WDR11: variants seen among roughly 807,000 people sequenced by gnomAD.
WDR11 encodes WD repeat domain 11.
In WDR11, 83 loss-of-function variants were observed where a neutral mutation model predicts 151.2. That is an observed-to-expected ratio of 0.55 (90% confidence interval 0.46 to 0.66). The LOEUF is 0.66. WDR11 is among the 30% of genes least tolerant of loss of function. The pLI is 0.00. For synonymous variants in WDR11, 484 were observed against 533.1 expected (o/e 0.91, Z 1.27); for missense variants, 1,301 against 1,480.9 (o/e 0.88, Z 1.99).
At chr10:120,851,795 T>A in intron 1 of WDR11, 1 of 523,162 alleles carries the variant, frequency 1.9e-6, no homozygotes, top group South Asian at 2.1e-5. Context: ...TCTCTTTTCC[T>A]CTCCTCCAGC....
At chr10:120,887,885 A>T (rs1847275839) in intron 16 of WDR11, among the ~76,000 whole-genome samples, 1 of 152,222 alleles carries the variant, frequency 6.6e-6, no homozygotes, top group Admixed American at 6.5e-5. Flanking sequence ...AGGAAAGTAG[A>T]TATCTTAAAA....
intron 12 of WDR11, among the ~76,000 whole-genome samples, chr10:120,878,740 A>G (rs1200012693): frequency 3.3e-5 from 5 of 152,162 alleles, no homozygotes; most frequent in African/African-American, 1.2e-4. Context: ...GTGCATTGTT[A>G]TATGTAACCA....
chr10:120,880,769 G>A lies in WDR11; in HGVS notation c.1664-57G>A, dbSNP rs1025147182. On this transcript the variant is annotated intron_variant, in intron 12 of 28. Coordinates refer to ENST00000263461, the MANE Select transcript of WDR11 (RefSeq NM_018117.12). ...TCAAATTACATTGGCGTGGCTTCTT[G>A]TTTTTCATACATGTTTTATGCACTG... is the stretch of plus-strand genomic sequence containing the variant. The A allele has an allele frequency of 2.0e-6, 3 of 1,476,630 alleles. No individual in the cohort carries two copies. The Admixed American group carries it at 5.7e-5, about 28-fold the overall frequency. The allele number at this position is 1,476,630 out of a possible 1,614,324, so 91.5% of individuals were successfully genotyped here. A position where few individuals can be genotyped will look rare whatever the true frequency, so the allele number is the denominator to read the frequency against.
At chr10:120,856,496 A>T (rs1341932881) in intron 2 of WDR11, among the ~76,000 whole-genome samples, 1 of 148,846 alleles carries the variant, frequency 6.7e-6, no homozygotes, top group Admixed American at 6.9e-5. Flanking sequence ...AACAGCTTAA[A>T]CCTGGGAGGT....
rs139841762 is a variant in WDR11, at chr10:120,889,728, A to G, written c.2229-167A>G. On this transcript the variant is annotated intron_variant, in intron 17 of 28. Coordinates refer to ENST00000263461, the MANE Select transcript of WDR11 (RefSeq NM_018117.12). ...CCCTGCAGAAGTCTTAGCTGACCTT[A>G]AAGGGCAGGCCCTTTCTGTCAGATG... 2,552 of 650,592 alleles carry G rather than the reference A, an allele frequency of 3.9e-3. 53 individuals are homozygous for G. Among genetic ancestry groups the G allele is most frequent in the East Asian group, 0.038 (1,363 of 35,902 alleles). 40.3% of individuals were successfully genotyped at this position (650,592 alleles called of 1,614,324 possible). A position where few individuals can be genotyped will look rare whatever the true frequency, so the allele number is the denominator to read the frequency against.
chr10:120,852,444 TATC>T lies in WDR11; in HGVS notation c.87-77_87-75del, dbSNP rs779029419. On this transcript the variant is annotated intron_variant, in intron 1 of 28. Coordinates refer to ENST00000263461, the MANE Select transcript of WDR11 (RefSeq NM_018117.12). ...AATGGTGGTACATATGAATTAGACT[TATC>T]ATTTATTTAGGCTTGGCAAGAAAGA... is the stretch of plus-strand genomic sequence containing the variant. The T allele has an allele frequency of 8.1e-5, 94 of 1,157,016 alleles. No homozygotes were observed. In the Admixed American group the frequency reaches 1.4e-3, roughly 17 times the overall value. 71.7% of individuals were successfully genotyped at this position (1,157,016 alleles called of 1,614,324 possible).
chr10:120,885,274 T>TACACACACACACAC (rs1456456025), intron 14 of WDR11: 1 of 85,432 alleles, frequency 1.2e-5, no homozygotes, highest in African/African-American at 5.0e-5. Flanking sequence ...GGATGAAGTA[T>TACACACACACACAC]ATATATATAT....
At chr10:120,867,389 G>A (rs1398738916) in intron 9 of WDR11, among the ~76,000 whole-genome samples, 6 of 152,216 alleles carry the variant, frequency 3.9e-5, no homozygotes, top group African/African-American at 1.4e-4. Context: ...GTTAGAAATA[G>A]AAAACGTTCA....
rs1300863755 is a variant in WDR11, at chr10:120,908,742, C to T, written c.*29C>T. ...CTTAATAAATGCCAGGGAATCTGAC[C>T]TGGAAGGCAGATGGGAGGGGGCTGG... is the stretch of plus-strand genomic sequence containing the variant. On this transcript the variant is annotated 3_prime_UTR_variant, in exon 29 of 29. Transcript: ENST00000263461. 2.5e-6 allele frequency: 4 copies of T among 1,612,834 alleles called. No individual in the cohort carries two copies. The highest frequency in any genetic ancestry group is 1.8e-4 in the Middle Eastern group (1 of 5,426).
At chr10:120,857,410 A>G (rs1845985608) in intron 2 of WDR11, among the ~76,000 whole-genome samples, 1 of 152,226 alleles carries the variant, frequency 6.6e-6, no homozygotes, top group Non-Finnish European at 1.5e-5. Context: ...TGACAAATAC[A>G]GAATCTATAA....
intron 2 of WDR11, chr10:120,856,231 G>A (rs1845940445): frequency 6.6e-6 from 1 of 152,062 alleles, no homozygotes; most frequent in South Asian, 2.1e-4. Context: ...ATTTTCAAAG[G>A]ATATAGAATT....
intron 19 of WDR11, among the ~76,000 whole-genome samples, chr10:120,896,347 GTA>G (rs1847614612): frequency 6.6e-6 from 1 of 152,154 alleles, no homozygotes; most frequent in African/African-American, 2.4e-5. Context: ...AAAATGGAGA[GTA>G]TGGGGATAGC....
In WDR11 at chr10:120,852,633, A is replaced by G. The variant is rs1845819686; in HGVS notation, c.196A>G (p.Lys66Glu). The G allele has an allele frequency of 6.2e-7, 1 of 1,613,274 alleles. No homozygotes were observed. The highest frequency in any genetic ancestry group is 1.3e-5 in the African/African-American group (1 of 74,916). ...VLEKHKADVV[K>E]VKWARENYHH... ...AGAAAAGCATAAAGCTGATGTTGTA[A>G]AGGTAAGTAAAATCCCACTTTGACG... Residue 66 changes from lysine (K) to glutamate (E), a missense_variant and splice_region_variant, in exon 2 of 29, where the codon AAG (lysine) becomes GAG (glutamate). Coordinates refer to ENST00000263461, the MANE Select transcript of WDR11 (RefSeq NM_018117.12).
Position 120,889,118 on chromosome 10 carries a change from A to T in WDR11, c.2162A>T (p.Asp721Val), listed in dbSNP as rs1478908044. The change falls in exon 17 of 29, where the codon GAT (aspartate) becomes GTT (valine). Residue 721 changes from aspartate (D) to valine (V), a missense_variant. Asp to Val is a radical substitution (Grantham distance 152, BLOSUM62 -3). This residue lies in a region of WDR11 where 589 missense variants were observed against 670.6 expected (regional missense o/e 0.88). Transcript: ENST00000263461. ...GSITCIAWKG[D>V]TLVLGDMDGN... Reference sequence around the variant, plus strand: ...ATTACCTGCATCGCTTGGAAAGGTGATACATTAGTGCTTGGAGATATGGAT... The same window carrying T: ...ATTACCTGCATCGCTTGGAAAGGTGTTACATTAGTGCTTGGAGATATGGAT... 2.5e-6 allele frequency: 4 copies of T among 1,614,020 alleles called. No individual in the cohort carries two copies. The highest frequency in any genetic ancestry group is 3.4e-6 in the Non-Finnish European group (4 of 1,179,970).
Position 120,908,533 on chromosome 10 carries a change from TCTTTTC to T in WDR11, c.3518-19_3518-14del, listed in dbSNP as rs1226783552. 1.9e-6 allele frequency: 3 copies of T among 1,613,902 alleles called. No individual in the cohort carries two copies. The highest frequency in any genetic ancestry group is 1.7e-5 in the Admixed American group (1 of 60,002). On this transcript the variant is annotated splice_polypyrimidine_tract_variant and intron_variant, in intron 28 of 28. Transcript: ENST00000263461. ...GTCTCATCACAGCCCTTTTTACTCT[TCTTTTC>T]CTTAACTATGGTTTACAGAAACTCA...
chr10:120,874,188 T>TG lies in WDR11; in HGVS notation c.1556+265_1556+266insG, dbSNP rs200343544. On this transcript the variant is annotated intron_variant, in intron 11 of 28. Coordinates refer to ENST00000263461, the MANE Select transcript of WDR11 (RefSeq NM_018117.12). ...TGCGGTTTTTGCAGTTTTTTTTTTT[T>TG]TTTTGTTGTTGTTGTTGTTGTTTGT... Among the ~76,000 whole-genome samples the TG allele has an allele frequency of 0.029, 2,645 of 90,820 alleles. 46 individuals are homozygous for TG. Among genetic ancestry groups the TG allele is most frequent in the Non-Finnish European group, 0.036 (1,567 of 42,952 alleles). The allele number at this position is 90,820 out of a possible 152,430, so 59.6% of individuals were successfully genotyped here. A position where few individuals can be genotyped will look rare whatever the true frequency, so the allele number is the denominator to read the frequency against.
At position 120,885,946 on chromosome 10, in the gene WDR11, A is replaced by G. The variant is rs1215435619; in HGVS notation, c.1973+8A>G. The G allele has an allele frequency of 1.9e-6, 3 of 1,613,116 alleles. No individual in the cohort carries two copies. Among genetic ancestry groups the G allele is most frequent in the South Asian group, 2.2e-5 (2 of 91,040 alleles). On this transcript the variant is annotated splice_region_variant and intron_variant, in intron 15 of 28. Coordinates refer to ENST00000263461, the MANE Select transcript of WDR11 (RefSeq NM_018117.12). The stretch of plus-strand genomic sequence containing the variant: ...TGAATCATCTGTGATCAGGTACAGT[A>G]CAGTGTTTCTTGACACTGTCATTTG...
In WDR11 at chr10:120,908,792, C is replaced by T; in HGVS notation, c.*79C>T. ...GTCTGGCTGTGGCCACCGTCACAGT[C>T]CAGGATGAAGAGGAGTACAGGGTCC... On this transcript the variant is annotated 3_prime_UTR_variant, in exon 29 of 29. Coordinates refer to ENST00000263461, the MANE Select transcript of WDR11 (RefSeq NM_018117.12). 6.6e-7 allele frequency: 1 copy of T among 1,522,276 alleles called. No individual in the cohort carries two copies. The highest frequency in any genetic ancestry group is 9.1e-7 in the Non-Finnish European group (1 of 1,099,734). The allele number at this position is 1,522,276 out of a possible 1,614,324, so 94.3% of individuals were successfully genotyped here.
intron 21 of WDR11, among the ~76,000 whole-genome samples, 200 bp from the exon 22 acceptor site, chr10:120,902,057 C>T (rs1847842941): frequency 2.0e-5 from 3 of 152,224 alleles, no homozygotes; most frequent in Admixed American, 6.5e-5. Flanking sequence ...AAAGCTGCTG[C>T]TTCTCCAAGC....
Sources: allele counts gnomAD v4.1 joint callset (sites outside exome capture counted in the v4.1 genomes callset), GRCh38; gene constraint gnomAD v4.1.1; regional missense constraint gnomAD v4.1.1; transcripts MANE v1.5; gene names NCBI Gene and HGNC (gene_info 2026-07-23, HGNC 2026-07-21).